Variants in SCRG1 observed in about 807,000 individuals in gnomAD.
The protein encoded by SCRG1 is scrapie-responsive protein 1.
Under a neutral mutation model 7.7 loss-of-function variants are expected in SCRG1, and 3 were observed. That is an observed-to-expected ratio of 0.39 (90% confidence interval 0.18 to 1.01). The LOEUF is 1.01. Ranked by LOEUF, SCRG1 falls within the 50% of genes least tolerant of loss-of-function variation. The pLI is 0.36. For missense variants in SCRG1, 110 were observed against 117.2 expected, an observed-to-expected ratio of 0.94 and a Z score of 0.28; for synonymous variants, 46 against 41.2, an observed-to-expected ratio of 1.12 and a Z score of -0.44.
chr4:173,449,198 T>C, the SCRG1 span, among the ~76,000 whole-genome samples: 1 of 152,202 alleles, frequency 6.6e-6, no homozygotes, highest in Non-Finnish European at 1.5e-5. Flanking sequence ...GGTGATCTAA[T>C]ACAAGTTGTT....
chr4:173,423,984 A>G, the SCRG1 span, among the ~76,000 whole-genome samples: 1 of 152,234 alleles, frequency 6.6e-6, no homozygotes, highest in Non-Finnish European at 1.5e-5. Context: ...CACTCCCATT[A>G]TAACTAACCC....
At chr4:173,465,918 G>A in the SCRG1 span, among the ~76,000 whole-genome samples, 1 of 151,862 alleles carries the variant, frequency 6.6e-6, no homozygotes, top group Non-Finnish European at 1.5e-5. Context: ...GTGCACATCG[G>A]GCAAGTGGTT....
chr4:173,483,886 A>T, the SCRG1 span, among the ~76,000 whole-genome samples: 2 of 99,526 alleles, frequency 2.0e-5, no homozygotes, highest in African/African-American at 4.2e-5. Flanking sequence ...TATTTCATAT[A>T]ATATATGTTA....
the SCRG1 span, among the ~76,000 whole-genome samples, chr4:173,458,330 C>G: frequency 6.6e-6 from 1 of 151,950 alleles, no homozygotes; most frequent in African/African-American, 2.4e-5. Flanking sequence ...AAATATAATG[C>G]AAGTTACATA....
chr4:173,514,949 C>G, the SCRG1 span, among the ~76,000 whole-genome samples: 1 of 152,178 alleles, frequency 6.6e-6, no homozygotes, highest in Admixed American at 6.5e-5. Flanking sequence ...AATAAACAGA[C>G]CCGCCCCAAA....
chr4:173,485,050 ATATATTATATATTATATATTATATAT>A, the SCRG1 span, among the ~76,000 whole-genome samples: 180 of 7,618 alleles, frequency 0.024, 43 homozygotes, highest in Admixed American at 0.042. Context: ...ATATTATATA[ATATATTATATATTATATATTATATAT>A]TATATAATAT....
At chr4:173,463,586 G>A in the SCRG1 span, among the ~76,000 whole-genome samples, 1 of 152,168 alleles carries the variant, frequency 6.6e-6, no homozygotes, top group African/African-American at 2.4e-5. Context: ...AAGAAAGGCT[G>A]TACCATTGAG....
At chr4:173,451,536 G>A in the SCRG1 span, among the ~76,000 whole-genome samples, 3 of 151,698 alleles carry the variant, frequency 2.0e-5, no homozygotes, top group Admixed American at 6.6e-5. Context: ...CTAAAGAATG[G>A]GCCTCAACTC....
the SCRG1 span, among the ~76,000 whole-genome samples, chr4:173,466,992 A>C: frequency 6.6e-6 from 1 of 152,120 alleles, no homozygotes; most frequent in Non-Finnish European, 1.5e-5. Context: ...GAATGTTATT[A>C]GTTATGAGTT....
At chr4:173,403,937 G>A (rs1181575009), upstream of SCRG1, 1 of 152,594 alleles carries the variant, frequency 6.6e-6, no homozygotes, top group African/African-American at 2.4e-5. Flanking sequence ...CTGTTTCACA[G>A]ACACAAGCAT....
the SCRG1 span, chr4:173,446,688 G>A: frequency 3.3e-5 from 5 of 152,182 alleles, no homozygotes; most frequent in African/African-American, 1.2e-4. Context: ...TAGTATAAGT[G>A]CTGCTGAAGC....
the SCRG1 span, among the ~76,000 whole-genome samples, chr4:173,461,733 C>T: frequency 6.6e-6 from 1 of 151,984 alleles, no homozygotes; most frequent in Admixed American, 6.5e-5. Flanking sequence ...TACCAGGGAC[C>T]GATCCTGGAG....
the SCRG1 span, among the ~76,000 whole-genome samples, chr4:173,447,821 T>G: frequency 6.6e-6 from 1 of 152,216 alleles, no homozygotes; most frequent in East Asian, 1.9e-4. Context: ...GGATAAGAAC[T>G]TTTGTAGTTA....
chr4:173,476,363 A>ATATATATATATATAT, the SCRG1 span, among the ~76,000 whole-genome samples: 5 of 98,484 alleles, frequency 5.1e-5, no homozygotes, highest in African/African-American at 1.6e-4. Context: ...GGAAAAAAAA[A>ATATATATATATATAT]ATATATATAT....
upstream of SCRG1, among the ~76,000 whole-genome samples, chr4:173,409,840 C>T (rs1159257959): frequency 3.9e-5 from 6 of 152,070 alleles, no homozygotes; most frequent in Non-Finnish European, 8.8e-5. Context: ...CCGTCCGCCT[C>T]GGCCTCCCAA....
At chr4:173,471,404 A>G in the SCRG1 span, among the ~76,000 whole-genome samples, 1 of 152,178 alleles carries the variant, frequency 6.6e-6, no homozygotes, top group Non-Finnish European at 1.5e-5. Flanking sequence ...AAATAAAAAT[A>G]AGAAATATTT....
chr4:173,423,099 A>C, the SCRG1 span, among the ~76,000 whole-genome samples: 3 of 152,176 alleles, frequency 2.0e-5, no homozygotes, highest in Non-Finnish European at 2.9e-5. Context: ...TATGAACCTC[A>C]TGACATTAAA....
chr4:173,428,749 G>A, the SCRG1 span, among the ~76,000 whole-genome samples: 9 of 152,304 alleles, frequency 5.9e-5, no homozygotes, highest in South Asian at 1.7e-3. Context: ...ATTATGTGGT[G>A]GATGTAACCA....
the SCRG1 span, among the ~76,000 whole-genome samples, chr4:173,504,316 T>TCCGGTAG: frequency 1.0e-3 from 152 of 152,300 alleles, 3 homozygotes; most frequent in African/African-American, 3.5e-3. This position sits in a 1 kb window ranked among gnomAD's most constrained non-coding sequence, Gnocchi z 4.7. Flanking sequence ...GGCGTGCTCC[T>TCCGGTAG]CCGGTAGCCG....
Sources: gnomAD v4.1 joint callset for allele counts (sites outside exome capture counted in the v4.1 genomes callset) on GRCh38, gnomAD v4.1.1 for gene constraint, Gnocchi (gnomAD v3.1) non-coding constraint, MANE v1.5 for transcripts, NCBI Gene and HGNC (gene_info 2026-07-23, HGNC 2026-07-21) for gene names.